Variants in LGR5 observed in about 807,000 individuals in gnomAD.
The protein encoded by LGR5 is leucine-rich repeat-containing G protein-coupled receptor 5.
A neutral mutation model predicts 76.7 loss-of-function variants in LGR5; 54 were observed. That is an observed-to-expected ratio of 0.70 (90% CI 0.57 to 0.88). The LOEUF is 0.88. LGR5 is among the 40% of genes least tolerant of loss of function. The pLI, the probability that LGR5 is intolerant of heterozygous loss-of-function variation, is 0.00. For missense variants in LGR5, 1,078 were observed against 1,073.3 expected, an observed-to-expected ratio of 1.00 and a Z score of -0.06; for synonymous variants, 406 against 421.9, an observed-to-expected ratio of 0.96 and a Z score of 0.46.
intron 13 of LGR5, among the ~76,000 whole-genome samples, chr12:71,575,715 A>AAT (rs200654463): frequency 0.12 from 14,814 of 127,124 alleles, 1,037 homozygotes; most frequent in East Asian, 0.41. Flanking sequence ...CATCTCAAAA[A>AAT]ATATATATGT....
At chr12:71,468,390 A>G (rs966977649) in intron 1 of LGR5, among the ~76,000 whole-genome samples, 2 of 152,214 alleles carry the variant, frequency 1.3e-5, no homozygotes, top group Non-Finnish European at 2.9e-5. Flanking sequence ...GCACAATTGC[A>G]GAGTTGAAAT....
rs114229096 is a variant in LGR5 at position 71,446,589 on chromosome 12, T to A, written c.212+6297T>A. ...TCCATTGCTCAAAATATTTTTGGAT[T>A]TCCTTTGAAGTTATCTTCAGGGCCA... On this transcript the variant is annotated intron_variant, in intron 1 of 17. Transcript: ENST00000266674. Among the ~76,000 whole-genome samples the A allele has an allele frequency of 1.2e-3, 186 of 152,338 alleles. 1 individual carries two copies. Among genetic ancestry groups the A allele is most frequent in the African/African-American group, 4.2e-3 (176 of 41,572 alleles).
intron 1 of LGR5, among the ~76,000 whole-genome samples, chr12:71,452,764 G>A (rs1264933055): frequency 1.3e-5 from 2 of 152,172 alleles, no homozygotes; most frequent in African/African-American, 4.8e-5. Context: ...TATCTTCAGT[G>A]ACCTTGACAA....
chr12:71,560,791 TCAA>T (rs1407294130), intron 7 of LGR5, among the ~76,000 whole-genome samples: 2 of 152,172 alleles, frequency 1.3e-5, no homozygotes, highest in Non-Finnish European at 2.9e-5. Flanking sequence ...AGATTCTGTC[TCAA>T]CAACAACAAA....
chr12:71,476,456 G>C (rs2137252100), intron 1 of LGR5, among the ~76,000 whole-genome samples: 1 of 152,302 alleles, frequency 6.6e-6, no homozygotes, highest in Non-Finnish European at 1.5e-5. Flanking sequence ...AAGGAACTGT[G>C]CCTAACTGGA....
rs1448947186 is a variant in LGR5, at chr12:71,586,103, G to C, written c.*1369G>C. On this transcript the variant is annotated 3_prime_UTR_variant, in exon 18 of 18. Coordinates refer to ENST00000266674, the MANE Select transcript of LGR5 (RefSeq NM_003667.4). The stretch of plus-strand genomic sequence containing the variant: ...GAACTGTATTTATTACTATAGTAAA[G>C]GTTCAGTAACATTAAGGACCATGAT... 5.3e-5 allele frequency: 8 copies of C among 152,068 alleles called. No homozygotes were observed. The highest frequency in any genetic ancestry group is 5.9e-5 in the Non-Finnish European group (4 of 68,020). 9.4% of individuals were successfully genotyped at this position (152,068 alleles called of 1,614,324 possible).
chr12:71,511,640 G>A (rs1002204930), intron 2 of LGR5, among the ~76,000 whole-genome samples: 1 of 152,140 alleles, frequency 6.6e-6, no homozygotes, highest in Non-Finnish European at 1.5e-5. Context: ...AATACTGCTC[G>A]TTTAGCTACC....
Position 71,586,263 on chromosome 12 carries a change from T to A in LGR5, c.*1529T>A, listed in dbSNP as rs370780045. On this transcript the variant is annotated 3_prime_UTR_variant, in exon 18 of 18. Coordinates refer to ENST00000266674, the MANE Select transcript of LGR5 (RefSeq NM_003667.4). ...AATAGATTCCAAATTTGCTTTTCTATTGGGTAAAAAATAAATTTGTAATAA... is the reference window on the plus strand; with the variant it reads ...AATAGATTCCAAATTTGCTTTTCTAATGGGTAAAAAATAAATTTGTAATAA... The A allele has an allele frequency of 1.6e-4, 24 of 152,294 alleles. No homozygotes were observed. In the South Asian group the frequency reaches 5.0e-3, roughly 32 times the overall value. The allele number at this position is 152,294 out of a possible 1,614,324, so 9.4% of individuals were successfully genotyped here. A position where few individuals can be genotyped will look rare whatever the true frequency, so the allele number is the denominator to read the frequency against.
At chr12:71,508,485 G>C (rs1874971156) in intron 2 of LGR5, among the ~76,000 whole-genome samples, 1 of 151,870 alleles carries the variant, frequency 6.6e-6, no homozygotes. Flanking sequence ...GCCGGGCACA[G>C]GGGCTCACAC....
intron 2 of LGR5, among the ~76,000 whole-genome samples, chr12:71,520,032 A>T (rs1378476007): frequency 1.3e-5 from 2 of 152,034 alleles, no homozygotes; most frequent in Non-Finnish European, 2.9e-5. Context: ...CATTTGACCC[A>T]AGAATTCCAC....
intron 4 of LGR5, among the ~76,000 whole-genome samples, chr12:71,542,788 G>A (rs1876948773): frequency 6.6e-6 from 1 of 152,018 alleles, no homozygotes; most frequent in Non-Finnish European, 1.5e-5. Context: ...AGGATAATGA[G>A]TTTGGTCTTG....
intron 1 of LGR5, among the ~76,000 whole-genome samples, chr12:71,472,285 A>G (rs1873136466): frequency 6.6e-6 from 1 of 152,244 alleles, no homozygotes; most frequent in Admixed American, 6.5e-5. Context: ...TACATACATT[A>G]TAATGCCATT....
Position 71,561,835 on chromosome 12 carries a change from C to A in LGR5, c.840C>A (p.Asn280Lys). 6 of 1,600,834 alleles carry A rather than the reference C, an allele frequency of 3.7e-6. No individual in the cohort carries two copies. The highest frequency in any genetic ancestry group is 5.1e-6 in the Non-Finnish European group (6 of 1,169,512). The change falls in exon 8 of 18, where the codon AAC becomes AAA. Residue 280 changes from asparagine to lysine, a missense_variant. Asn to Lys is a moderately conservative substitution (Grantham distance 94). Coordinates refer to ENST00000266674, the MANE Select transcript of LGR5 (RefSeq NM_003667.4). The stretch of plus-strand genomic sequence containing the variant: ...TACCTGAGAAAGCATTTGTAGGCAA[C>A]CCTTCTCTTATTACAATGTAAGTGA... ...RSIPEKAFVG[N>K]PSLITIHFYD...
chr12:71,482,395 TG>T, intron 1 of LGR5, among the ~76,000 whole-genome samples: 1 of 152,304 alleles, frequency 6.6e-6, no homozygotes, highest in East Asian at 1.9e-4. Flanking sequence ...GGCTTGTAGA[TG>T]GCTCTCTTCT....
intron 14 of LGR5, 76 bp downstream of exon 14, chr12:71,578,072 T>A (rs1295944338): frequency 1.7e-6 from 2 of 1,171,456 alleles, no homozygotes; most frequent in African/African-American, 3.0e-5. Flanking sequence ...AAAGTTGGTT[T>A]TGTTGAAGAA....
intron 2 of LGR5, 27 bp from the exon 3 acceptor site, chr12:71,524,379 C>G (rs1875876212): frequency 6.4e-7 from 1 of 1,558,018 alleles, no homozygotes. Flanking sequence ...TATGCTCACT[C>G]TCTCTCCTCT....
chr12:71,533,395 G>C (rs1345307451), intron 3 of LGR5, among the ~76,000 whole-genome samples: 1 of 152,110 alleles, frequency 6.6e-6, no homozygotes, highest in Non-Finnish European at 1.5e-5. Context: ...ATTTAGCACA[G>C]CATGGGGTAG....
chr12:71,470,578 G>A (rs961811463), intron 1 of LGR5, among the ~76,000 whole-genome samples: 8 of 152,074 alleles, frequency 5.3e-5, no homozygotes, highest in East Asian at 1.9e-4. Context: ...ATACACATAC[G>A]TAACACAAAT....
At chr12:71,458,833 A>G (rs1198811842) in intron 1 of LGR5, among the ~76,000 whole-genome samples, 1 of 152,066 alleles carries the variant, frequency 6.6e-6, no homozygotes, top group Non-Finnish European at 1.5e-5. Context: ...AATTTTTTAA[A>G]TGCATATTTA....
Sources: gnomAD v4.1 joint callset for allele counts (sites outside exome capture counted in the v4.1 genomes callset) on GRCh38, gnomAD v4.1.1 for gene constraint, MANE v1.5 for transcripts, NCBI Gene and HGNC (gene_info 2026-07-23, HGNC 2026-07-21) for gene names.